NASP: variants seen among roughly 807,000 people sequenced by gnomAD.
NASP encodes NASP histone chaperone.
A neutral mutation model predicts 89.5 loss-of-function variants in NASP; 24 were observed. The observed-to-expected ratio is 0.27, with a 90% CI of 0.19 to 0.38. The LOEUF (loss-of-function observed/expected upper bound fraction) is 0.38. Ranked by LOEUF, NASP falls within the 10% of genes least tolerant of loss-of-function variation. The pLI is 1.00. For synonymous variants in NASP, 306 were observed against 324.7 expected, an observed-to-expected ratio of 0.94 and a Z score of 0.62; for missense variants, 848 against 921.4, an observed-to-expected ratio of 0.92 and a Z score of 1.03.
At chr1:45,601,920 T>C (rs1274063649) in intron 2 of NASP, among the ~76,000 whole-genome samples, 3 of 151,668 alleles carry the variant, frequency 2.0e-5, no homozygotes, top group Non-Finnish European at 4.4e-5. Flanking sequence ...GCCCGGCTAA[T>C]TTTTTGTATT....
Position 45,606,625 on chromosome 1 carries a change from C to T in NASP, c.409+34C>T, listed in dbSNP as rs373091923. The T allele has an allele frequency of 1.4e-4, 204 of 1,414,884 alleles. No individual in the cohort carries two copies. The African/African-American group carries it at 2.3e-3, about 16-fold the overall frequency. 87.6% of individuals were successfully genotyped at this position (1,414,884 alleles called of 1,614,324 possible). A position where few individuals can be genotyped will look rare whatever the true frequency, so the allele number is the denominator to read the frequency against. On this transcript the variant is annotated intron_variant, in intron 5 of 14. Transcript: ENST00000350030. ...AGTTGCATGTGACATTCAAGAGATG[C>T]GACGTTGTATATTTCTTGTATACAG...
intron 3 of NASP, 63 bp downstream of exon 3, chr1:45,602,428 A>C (rs1643865593): frequency 3.4e-6 from 5 of 1,478,944 alleles, no homozygotes; most frequent in Middle Eastern, 1.8e-4. Flanking sequence ...AGTTATCAAA[A>C]ATTATTTTAT....
chr1:45,593,510 G>T lies in NASP; in HGVS notation c.107+2240G>T, dbSNP rs142418899. On this transcript the variant is annotated intron_variant, in intron 2 of 14. Coordinates refer to ENST00000350030, the MANE Select transcript of NASP (RefSeq NM_002482.4). The stretch of plus-strand genomic sequence containing the variant: ...ATTGTGCCACTGCACTCCAGCCTGG[G>T]TGACAGAGTGAGACTGTCCCCCCCC... Among the ~76,000 whole-genome samples, 623 of 145,166 alleles carry T rather than the reference G, an allele frequency of 4.3e-3. 22 individuals carry two copies. In the East Asian group the frequency reaches 0.056, roughly 13 times the overall value.
rs1644109686 is a variant in NASP at position 45,616,640 on chromosome 1, G to C, written c.2094G>C (p.Lys698Asn). 1.9e-6 allele frequency: 3 copies of C among 1,614,008 alleles called. No homozygotes were observed. In the South Asian group the frequency reaches 3.3e-5, roughly 18 times the overall value. The change falls in exon 13 of 15, where the codon AAG (lysine) becomes AAC (asparagine). Residue 698 changes from lysine (K) to asparagine (N), a missense_variant. Coordinates refer to ENST00000350030, the MANE Select transcript of NASP (RefSeq NM_002482.4). The stretch of plus-strand genomic sequence containing the variant: ...TATTTTGCCAGATTGCCAGTAGAAA[G>C]CCAACAGACGGTGCTTCCTCATCAA... The part of the protein sequence containing the change: ...GSSVSMIASR[K>N]PTDGASSSNC...
intron 2 of NASP, among the ~76,000 whole-genome samples, chr1:45,599,572 C>T (rs898623522): frequency 2.6e-5 from 4 of 152,056 alleles, no homozygotes; most frequent in Non-Finnish European, 5.9e-5. Context: ...GGACTACAGG[C>T]ACACACCACC....
chr1:45,613,342 G>C, intron 7 of NASP, 94 bp downstream of exon 7: 1 of 1,397,862 alleles, frequency 7.2e-7, no homozygotes, highest in Non-Finnish European at 9.6e-7. Flanking sequence ...TTGCAGTGGG[G>C]TGATCATGAT....
At position 45,608,326 on chromosome 1, in the gene NASP, AAG is replaced by A; in HGVS notation, c.1418_1419del (p.Glu473GlyfsTer2). On this transcript the variant is annotated frameshift_variant, in exon 6 of 15. Transcript: ENST00000350030. LOFTEE classifies it high-confidence loss of function. ...ACACAAGAGAGAGAAGAACAGATGA[AAG>A]AGGGTGAAGGTAACCGGGATATGCA... is the stretch of plus-strand genomic sequence containing the variant. The A allele has an allele frequency of 6.2e-7, 1 of 1,606,486 alleles. No homozygotes were observed. The highest frequency in any genetic ancestry group is 8.5e-7 in the Non-Finnish European group (1 of 1,176,058).
At chr1:45,603,804 T>TC (rs1643880021) in intron 3 of NASP, among the ~76,000 whole-genome samples, 1 of 152,070 alleles carries the variant, frequency 6.6e-6, no homozygotes, top group African/African-American at 2.4e-5. Flanking sequence ...AGATGGGGTT[T>TC]CTCCATGTTG....
Position 45,615,046 on chromosome 1 carries a change from C to T in NASP, c.1700C>T (p.Ser567Phe). The change falls in exon 10 of 15, where the codon TCC becomes TTC. Residue 567 changes from serine (S) to phenylalanine (F), a missense_variant. By Grantham distance (155) the Ser-to-Phe change is radical. Transcript: ENST00000350030. Reference sequence around the variant, plus strand: ...GTGCAAGCTGTGGAGGAGTTCCAGTCCTGCCTTAACCTGCAGGAACAGTAC... The same window carrying T: ...GTGCAAGCTGTGGAGGAGTTCCAGTTCTGCCTTAACCTGCAGGAACAGTAC... The part of the protein sequence containing the change: ...NYVQAVEEFQ[S>F]CLNLQEQYLE... 1 of 1,613,886 alleles carries T rather than the reference C, an allele frequency of 6.2e-7. No homozygotes were observed. Among genetic ancestry groups the T allele is most frequent in the Non-Finnish European group, 8.5e-7 (1 of 1,179,962 alleles).
Position 45,618,301 on chromosome 1 carries a change from C to T in NASP, c.*160C>T, listed in dbSNP as rs1569630599. 3.3e-6 allele frequency: 2 copies of T among 598,108 alleles called. No individual in the cohort carries two copies. Among genetic ancestry groups the T allele is most frequent in the East Asian group, 6.3e-5 (2 of 31,680 alleles). The allele number at this position is 598,108 out of a possible 1,614,324, so 37.1% of individuals were successfully genotyped here. On this transcript the variant is annotated 3_prime_UTR_variant, in exon 15 of 15. Transcript: ENST00000350030. ...ATTATTGGCTGAATCTGCCTTGGAG[C>T]ACTGCTGGTTTTATATATTAGCCAA...
intron 10 of NASP, 38 bp from the exon 11 acceptor site, chr1:45,615,267 C>A: frequency 6.2e-7 from 1 of 1,611,382 alleles, no homozygotes; most frequent in Non-Finnish European, 8.5e-7. Context: ...GAAAACAGTT[C>A]TTTTTTGAGC....
At chr1:45,591,999 AT>A (rs897101443) in intron 2 of NASP, among the ~76,000 whole-genome samples, 7 of 152,030 alleles carry the variant, frequency 4.6e-5, no homozygotes, top group African/African-American at 1.7e-4. Flanking sequence ...TATTTTATTT[AT>A]TTTTTAGACT....
At chr1:45,608,972 A>G (rs938882264) in intron 6 of NASP, among the ~76,000 whole-genome samples, 3 of 152,144 alleles carry the variant, frequency 2.0e-5, no homozygotes, top group African/African-American at 7.2e-5. Context: ...ACCTTCCCCA[A>G]GGCAACAGAA....
At chr1:45,617,072 T>TGAC (rs1411784022) in intron 13 of NASP, among the ~76,000 whole-genome samples, 1 of 152,198 alleles carries the variant, frequency 6.6e-6, no homozygotes, top group Non-Finnish European at 1.5e-5. Context: ...CTTGAACTGC[T>TGAC]GACCTCGTGA....
chr1:45,592,927 G>A (rs1217284105), intron 2 of NASP: 1 of 152,280 alleles, frequency 6.6e-6, no homozygotes, highest in African/African-American at 2.4e-5. Context: ...ACTTGCTGGT[G>A]GTGCTTGGGG....
chr1:45,603,145 T>C (rs566236045), intron 3 of NASP, among the ~76,000 whole-genome samples: 7 of 152,208 alleles, frequency 4.6e-5, no homozygotes, highest in Non-Finnish European at 1.0e-4. Flanking sequence ...AGGAAAAGGT[T>C]AGCTTTAGTG....
chr1:45,593,267 T>C (rs1643597318), intron 2 of NASP, among the ~76,000 whole-genome samples: 1 of 152,162 alleles, frequency 6.6e-6, no homozygotes, highest in Non-Finnish European at 1.5e-5. Flanking sequence ...GGCAGGTGGC[T>C]CATGTCTGTA....
chr1:45,586,276 GTGTGTGTGGTGTGTGT>G (rs1218630272), intron 1 of NASP, among the ~76,000 whole-genome samples: 38 of 51,032 alleles, frequency 7.4e-4, no homozygotes, highest in African/African-American at 2.2e-3. Context: ...GTGTGTGTGT[GTGTGTGTGGTGTGTGT>G]GTGTGTGTGT....
chr1:45,594,323 C>CA (rs34229497), intron 2 of NASP, among the ~76,000 whole-genome samples: 3,516 of 129,302 alleles, frequency 0.027, 54 homozygotes, highest in South Asian at 0.036. Context: ...GCGAAACTCT[C>CA]AAAAAAAAAA....
Sources: allele counts gnomAD v4.1 joint callset (sites outside exome capture counted in the v4.1 genomes callset), GRCh38; gene constraint gnomAD v4.1.1; transcripts MANE v1.5; gene names NCBI Gene and HGNC (gene_info 2026-07-23, HGNC 2026-07-21).